STON1: variants seen among roughly 807,000 people sequenced by gnomAD.
STON1 encodes stonin-1.
In STON1, 79 loss-of-function variants were observed where a neutral mutation model predicts 60.9. The ratio of observed to expected loss-of-function variants is 1.30; its 90% CI spans 1.08 to 1.56. The LOEUF (loss-of-function observed/expected upper bound fraction) is 1.56. STON1 is among the 40% of genes most tolerant of loss of function. STON1 has a pLI of 0.00. For synonymous variants in STON1, 363 were observed against 306.9 expected (o/e 1.18, Z -1.91); for missense variants, 1,166 against 858.9 (o/e 1.36, Z -4.47).
At chr2:48,555,267 T>C (rs1572941237) in intron 1 of STON1, among the ~76,000 whole-genome samples, 4 of 99,708 alleles carry the variant, frequency 4.0e-5, no homozygotes, top group Non-Finnish European at 8.5e-5. Flanking sequence ...GGGAGGTGGC[T>C]GGGCAGAGGC....
At chr2:48,540,778 G>C (rs1239122331) in intron 1 of STON1, among the ~76,000 whole-genome samples, 1 of 152,110 alleles carries the variant, frequency 6.6e-6, no homozygotes, top group Non-Finnish European at 1.5e-5. Context: ...GGCAGTCTTG[G>C]GAACTAGCCC....
intron 1 of STON1, among the ~76,000 whole-genome samples, chr2:48,553,713 C>A (rs112995282): frequency 6.6e-6 from 1 of 152,118 alleles, no homozygotes; most frequent in Non-Finnish European, 1.5e-5. Context: ...GTCTTGAACT[C>A]CTGATCTCAA....
intron 2 of STON1, among the ~76,000 whole-genome samples, chr2:48,589,845 A>G (rs1439189253): frequency 6.6e-6 from 1 of 152,230 alleles, no homozygotes; most frequent in Non-Finnish European, 1.5e-5. Context: ...TGGCTTTATA[A>G]TTGAATAGCA....
intron 1 of STON1, among the ~76,000 whole-genome samples, chr2:48,553,767 C>G (rs1163515272): frequency 2.0e-5 from 3 of 152,124 alleles, no homozygotes; most frequent in African/African-American, 4.8e-5. Flanking sequence ...GGATTACAGG[C>G]GTGAGATACC....
intron 1 of STON1, among the ~76,000 whole-genome samples, chr2:48,554,519 G>A (rs972883385): frequency 7.2e-5 from 11 of 152,246 alleles, no homozygotes; most frequent in Admixed American, 5.9e-4. Flanking sequence ...CATTGCGCCC[G>A]GCCTTTTGCT....
At chr2:48,557,684 G>A (rs1672438525) in intron 1 of STON1, among the ~76,000 whole-genome samples, 1 of 69,100 alleles carries the variant, frequency 1.4e-5, no homozygotes, top group Non-Finnish European at 3.2e-5. Context: ...TGCAATCCCG[G>A]CACCTCGGGA....
chr2:48,587,449 C>T (rs573430696), intron 2 of STON1, among the ~76,000 whole-genome samples: 1 of 152,184 alleles, frequency 6.6e-6, no homozygotes, highest in Non-Finnish European at 1.5e-5. Flanking sequence ...CGCACCACCA[C>T]GCCTGGCTAA....
chr2:48,595,018 C>A (rs1674720220), intron 3 of STON1, among the ~76,000 whole-genome samples: 2 of 152,002 alleles, frequency 1.3e-5, no homozygotes, highest in Non-Finnish European at 1.5e-5. Flanking sequence ...GAAGACTTGA[C>A]CCTGGCGGGG....
chr2:48,561,151 C>T (rs1211579743), intron 1 of STON1, among the ~76,000 whole-genome samples: 5 of 152,212 alleles, frequency 3.3e-5, no homozygotes, highest in Non-Finnish European at 7.3e-5. Flanking sequence ...TCTCTGGATA[C>T]TGCCTCTTGT....
At chr2:48,567,245 A>G (rs1340837447) in intron 1 of STON1, among the ~76,000 whole-genome samples, 1 of 152,184 alleles carries the variant, frequency 6.6e-6, no homozygotes, top group Non-Finnish European at 1.5e-5. Context: ...CATATGTGCT[A>G]ATAATATGGT....
At chr2:48,575,184 C>A (rs935610448) in intron 1 of STON1, among the ~76,000 whole-genome samples, 5 of 152,282 alleles carry the variant, frequency 3.3e-5, no homozygotes, top group Admixed American at 6.5e-5. Context: ...TTGCAACTTG[C>A]GTCAGAATTT....
At chr2:48,567,494 C>T (rs1463815710) in intron 1 of STON1, among the ~76,000 whole-genome samples, 1 of 152,174 alleles carries the variant, frequency 6.6e-6, no homozygotes, top group Non-Finnish European at 1.5e-5. Context: ...TCACTGCAGT[C>T]TCCGCCTCCT....
intron 2 of STON1, among the ~76,000 whole-genome samples, chr2:48,583,248 C>G (rs1478440461): frequency 6.6e-6 from 1 of 152,160 alleles, no homozygotes; most frequent in East Asian, 1.9e-4. Context: ...ACCATCGTGC[C>G]TGGCTAATTT....
intron 1 of STON1, among the ~76,000 whole-genome samples, chr2:48,545,164 C>T (rs542933365): frequency 6.6e-6 from 1 of 152,176 alleles, no homozygotes; most frequent in Non-Finnish European, 1.5e-5. Context: ...TGGGAATTGT[C>T]TGATAGGCTT....
intron 1 of STON1, among the ~76,000 whole-genome samples, chr2:48,540,752 C>G (rs965215802): frequency 1.3e-5 from 2 of 152,216 alleles, no homozygotes; most frequent in Non-Finnish European, 2.9e-5. Context: ...AGACTTGTGA[C>G]TGGCATGTGG....
At chr2:48,579,217 C>G (rs1673728715) in intron 1 of STON1, among the ~76,000 whole-genome samples, 1 of 151,948 alleles carries the variant, frequency 6.6e-6, no homozygotes, top group South Asian at 2.1e-4. Flanking sequence ...GTTGGCCAGG[C>G]TGGTCTCGAA....
At chr2:48,551,834 C>T (rs1308932918) in intron 1 of STON1, among the ~76,000 whole-genome samples, 1 of 152,234 alleles carries the variant, frequency 6.6e-6, no homozygotes, top group African/African-American at 2.4e-5. Flanking sequence ...ATCCTATCAT[C>T]CCCTGTGCTG....
At position 48,595,422 on chromosome 2, in the gene STON1, G is replaced by A; in HGVS notation, c.*120G>A. ...TGAATAGCGGTTTTAGGACAGGTCT[G>A]ATGGCTGTGTTTAGAGAAGTTTAGA... On this transcript the variant is annotated 3_prime_UTR_variant, in exon 4 of 4. Coordinates refer to ENST00000404752, the MANE Select transcript of STON1 (RefSeq NM_006873.4). The A allele has an allele frequency of 1.2e-6, 1 of 813,040 alleles. No homozygotes were observed. Among genetic ancestry groups the A allele is most frequent in the Non-Finnish European group, 2.0e-6 (1 of 511,132 alleles). The allele number at this position is 813,040 out of a possible 1,614,324, so 50.4% of individuals were successfully genotyped here.
At chr2:48,571,870 A>T (rs942158869) in intron 1 of STON1, among the ~76,000 whole-genome samples, 1 of 152,212 alleles carries the variant, frequency 6.6e-6, no homozygotes, top group African/African-American at 2.4e-5. Context: ...AGCAAGTGTA[A>T]AAAGGATTGA....
Sources: allele counts gnomAD v4.1 joint callset (sites outside exome capture counted in the v4.1 genomes callset), GRCh38; gene constraint gnomAD v4.1.1; transcripts MANE v1.5; gene names NCBI Gene and HGNC (gene_info 2026-07-23, HGNC 2026-07-21).